Variants in SEC62 observed in about 807,000 individuals in gnomAD.
SEC62 encodes translocation protein SEC62.
A neutral mutation model predicts 47.5 loss-of-function variants in SEC62; 10 were observed. That is an observed-to-expected ratio of 0.21 (90% confidence interval 0.13 to 0.36). SEC62 has a LOEUF of 0.36. Among genes scored for constraint, SEC62 ranks in the 10% least tolerant of loss-of-function variants. The probability of loss-of-function intolerance (pLI) is 1.00; values close to 1 mark genes in which losing one functional copy is unlikely to be tolerated. For synonymous variants in SEC62, 136 were observed against 150.5 expected (o/e 0.90, Z 0.71); for missense variants, 327 against 464.1 (o/e 0.70, Z 2.71).
chr3:169,988,019 A>G (rs1008226825), intron 6 of SEC62, among the ~76,000 whole-genome samples: 4 of 152,172 alleles, frequency 2.6e-5, no homozygotes, highest in Non-Finnish European at 5.9e-5. Context: ...ATTATATGTA[A>G]TTTACACTAA....
chr3:169,977,844 A>AG lies in SEC62; in HGVS notation c.251+793_251+794insG, dbSNP rs202181031. On this transcript the variant is annotated intron_variant, in intron 3 of 7. Coordinates refer to ENST00000337002, the MANE Select transcript of SEC62 (RefSeq NM_003262.4). The stretch of plus-strand genomic sequence containing the variant: ...ACTAATATTTTATTTAATGGCACCT[A>AG]AAGTATCAGCCACATAAGAACCCTC... 5.2e-3 allele frequency among the ~76,000 whole-genome samples: 796 copies of AG among 152,330 alleles called. 4 individuals are homozygous for AG. Among genetic ancestry groups the AG allele is most frequent in the Non-Finnish European group, 8.5e-3 (576 of 68,034 alleles).
Position 169,994,580 on chromosome 3 carries a change from T to C in SEC62, c.*1517T>C, listed in dbSNP as rs1425302839. On this transcript the variant is annotated 3_prime_UTR_variant, in exon 8 of 8. Transcript: ENST00000337002. ...TAATGCAACTATGTCAAGGCTGCAA[T>C]CACTTTAATAGTTTCTTTTTAGCAA... 6.6e-6 allele frequency: 1 copy of C among 152,360 alleles called. No homozygotes were observed. The highest frequency in any genetic ancestry group is 1.5e-5 in the Non-Finnish European group (1 of 68,010). The allele number at this position is 152,360 out of a possible 1,614,324, so 9.4% of individuals were successfully genotyped here. A position where few individuals can be genotyped will look rare whatever the true frequency, so the allele number is the denominator to read the frequency against.
rs1407658275 is a variant in SEC62 at position 169,993,578 on chromosome 3, A to G, written c.*515A>G. 1 of 152,802 alleles carries G rather than the reference A, an allele frequency of 6.5e-6. No individual in the cohort carries two copies. The highest frequency in any genetic ancestry group is 1.5e-5 in the Non-Finnish European group (1 of 68,194). 9.5% of individuals were successfully genotyped at this position (152,802 alleles called of 1,614,324 possible). A position where few individuals can be genotyped will look rare whatever the true frequency, so the allele number is the denominator to read the frequency against. On this transcript the variant is annotated 3_prime_UTR_variant, in exon 8 of 8. Coordinates refer to ENST00000337002, the MANE Select transcript of SEC62 (RefSeq NM_003262.4). ...AGATTCTGAGTTAGCAGAGTTCAAA[A>G]CTATTTTGTGGAAACAAGCCAACTA... is the stretch of plus-strand genomic sequence containing the variant.
intron 7 of SEC62, among the ~76,000 whole-genome samples, chr3:169,991,597 G>A (rs1715250049): frequency 6.6e-6 from 1 of 152,094 alleles, no homozygotes; most frequent in South Asian, 2.1e-4. Flanking sequence ...CCTGCTACTT[G>A]GAGGCTGAGG....
At position 169,975,701 on chromosome 3, in the gene SEC62, G is replaced by T; in HGVS notation, c.130G>T (p.Val44Phe). ...TKSTNMMGHR[V>F]DYFIASKAVD... ...GTCCACCAATATGATGGGTCACCGG[G>T]TTGATTATTTTATTGGTAGGATTAT... The change falls in exon 2 of 8, where the codon GTT (valine) becomes TTT (phenylalanine). Residue 44 changes from valine (V) to phenylalanine (F), a missense_variant. Val to Phe is a conservative substitution (Grantham distance 50, BLOSUM62 -1). Transcript: ENST00000337002. 2 of 1,608,210 alleles carry T rather than the reference G, an allele frequency of 1.2e-6. No homozygotes were observed. The highest frequency in any genetic ancestry group is 1.7e-6 in the Non-Finnish European group (2 of 1,174,756).
rs565327001 is a variant in SEC62, at chr3:169,995,116, T to A, written c.*2053T>A. 7 of 152,312 alleles carry A rather than the reference T, an allele frequency of 4.6e-5. No individual in the cohort carries two copies. Among genetic ancestry groups the A allele is most frequent in the African/African-American group, 1.7e-4 (7 of 41,588 alleles). 9.4% of individuals were successfully genotyped at this position (152,312 alleles called of 1,614,324 possible). ...TACAATCCTCAGTGGAATAGATGGCTATCTTTCTTGGCTAACATTAAATAT... is the reference window on the plus strand; with the variant it reads ...TACAATCCTCAGTGGAATAGATGGCAATCTTTCTTGGCTAACATTAAATAT... On this transcript the variant is annotated 3_prime_UTR_variant, in exon 8 of 8. Coordinates refer to ENST00000337002, the MANE Select transcript of SEC62 (RefSeq NM_003262.4).
chr3:169,982,017 T>G (rs1714985820), intron 3 of SEC62, among the ~76,000 whole-genome samples: 1 of 152,104 alleles, frequency 6.6e-6, no homozygotes, highest in Non-Finnish European at 1.5e-5. Flanking sequence ...GGTGAGAATA[T>G]AAAATATAGT....
At chr3:169,976,120 G>T (rs1457154462) in intron 2 of SEC62, among the ~76,000 whole-genome samples, 1 of 152,112 alleles carries the variant, frequency 6.6e-6, no homozygotes, top group Non-Finnish European at 1.5e-5. Context: ...ATTGCAGCTG[G>T]GTGTCGTGGC....
rs1016593933 is a variant in SEC62 at position 169,997,789 on chromosome 3, G to A, written c.*4726G>A. On this transcript the variant is annotated 3_prime_UTR_variant, in exon 8 of 8. Coordinates refer to ENST00000337002, the MANE Select transcript of SEC62 (RefSeq NM_003262.4). The stretch of plus-strand genomic sequence containing the variant: ...GGCCAGAATAATGTTTTTAAATGCA[G>A]AAAAGGAAATGCATGGGGTTACAAG... 6.6e-6 allele frequency: 1 copy of A among 152,186 alleles called. No individual in the cohort carries two copies. Among genetic ancestry groups the A allele is most frequent in the African/African-American group, 2.4e-5 (1 of 41,446 alleles). 9.4% of individuals were successfully genotyped at this position (152,186 alleles called of 1,614,324 possible).
chr3:169,972,580 C>CAT (rs1714723492), intron 1 of SEC62, among the ~76,000 whole-genome samples: 1 of 114,934 alleles, frequency 8.7e-6, no homozygotes, highest in Non-Finnish European at 1.7e-5. Flanking sequence ...CTTTTTCTAT[C>CAT]TTTTTTTTTT....
At chr3:169,990,312 C>T (rs941949746) in intron 7 of SEC62, among the ~76,000 whole-genome samples, 2 of 151,320 alleles carry the variant, frequency 1.3e-5, no homozygotes, top group Non-Finnish European at 2.9e-5. Flanking sequence ...ATGTATTGGT[C>T]ACAATTATAT....
intron 5 of SEC62, chr3:169,983,628 T>C (rs1715031220): frequency 6.4e-6 from 1 of 156,228 alleles, no homozygotes. Context: ...ACTGCCAATC[T>C]TATATCTGCA....
At chr3:169,977,158 A>G (rs906512618) in intron 3 of SEC62, 107 bp downstream of exon 3, 1 of 633,208 alleles carries the variant, frequency 1.6e-6, no homozygotes, top group African/African-American at 1.8e-5. Flanking sequence ...CATAACTCAA[A>G]TACTGTTTTC....
At position 169,982,841 on chromosome 3, in the gene SEC62, A is replaced by T. The variant is rs1189336104; in HGVS notation, c.386A>T (p.Asn129Ile). ...KEEDKKSKKENIKDEKTKKEK... is the reference protein window; with the variant it reads ...KEEDKKSKKEIIKDEKTKKEK... ...GAAGATAAAAAGAGCAAGAAAGAAA[A>T]TATAAAGGATGAGAAGACAAAAAAA... The change falls in exon 4 of 8, where the codon AAT (asparagine) becomes ATT (isoleucine). Residue 129 changes from asparagine to isoleucine, a missense_variant. Physicochemically the swap from Asn to Ile is moderately radical, Grantham distance 149. This residue lies in a region of SEC62 where 126 missense variants were observed against 161.2 expected (regional missense o/e 0.78). Coordinates refer to ENST00000337002, the MANE Select transcript of SEC62 (RefSeq NM_003262.4). The T allele has an allele frequency of 1.9e-6, 3 of 1,586,540 alleles. No individual in the cohort carries two copies. In the South Asian group the frequency reaches 3.5e-5, roughly 19 times the overall value.
intron 6 of SEC62, among the ~76,000 whole-genome samples, chr3:169,986,576 A>G (rs948588419): frequency 6.6e-6 from 1 of 152,224 alleles, no homozygotes; most frequent in African/African-American, 2.4e-5. Context: ...ACGAGTAAGA[A>G]TAGTATAAGC....
intron 7 of SEC62, among the ~76,000 whole-genome samples, chr3:169,991,757 G>A (rs547109261): frequency 6.6e-6 from 1 of 152,094 alleles, no homozygotes; most frequent in Non-Finnish European, 1.5e-5. Flanking sequence ...TAATACTGGG[G>A]TTCCTTATCC....
chr3:169,995,033 T>C lies in SEC62; in HGVS notation c.*1970T>C, dbSNP rs759007054. The C allele has an allele frequency of 2.0e-5, 3 of 152,190 alleles. No individual in the cohort carries two copies. The highest frequency in any genetic ancestry group is 2.9e-5 in the Non-Finnish European group (2 of 68,014). The allele number at this position is 152,190 out of a possible 1,614,324, so 9.4% of individuals were successfully genotyped here. A position where few individuals can be genotyped will look rare whatever the true frequency, so the allele number is the denominator to read the frequency against. ...ATTAGAAATTTCAGCTCAGTTTCTATTTTACTATTCAAGTTGTGTACTTTA... is the reference window on the plus strand; with the variant it reads ...ATTAGAAATTTCAGCTCAGTTTCTACTTTACTATTCAAGTTGTGTACTTTA... On this transcript the variant is annotated 3_prime_UTR_variant, in exon 8 of 8. Coordinates refer to ENST00000337002, the MANE Select transcript of SEC62 (RefSeq NM_003262.4).
intron 6 of SEC62, among the ~76,000 whole-genome samples, chr3:169,987,412 CTG>C (rs1715134631): frequency 6.6e-6 from 1 of 152,166 alleles, no homozygotes; most frequent in Admixed American, 6.6e-5. Flanking sequence ...GAGTAAGACT[CTG>C]TTTCAGAAAA....
rs1715332454 is a variant in SEC62 at position 169,994,654 on chromosome 3, A to C, written c.*1591A>C. Reference sequence around the variant, plus strand: ...CTGGGTATTTTCCCGTCCCATTTGCAGAGCTCTACTACTTCATTTCCACAG... The same window carrying C: ...CTGGGTATTTTCCCGTCCCATTTGCCGAGCTCTACTACTTCATTTCCACAG... On this transcript the variant is annotated 3_prime_UTR_variant, in exon 8 of 8. Transcript: ENST00000337002. 6.6e-6 allele frequency: 1 copy of C among 152,168 alleles called. No homozygotes were observed. The highest frequency in any genetic ancestry group is 2.1e-4 in the South Asian group (1 of 4,834). 9.4% of individuals were successfully genotyped at this position (152,168 alleles called of 1,614,324 possible).
Sources: allele counts gnomAD v4.1 joint callset (sites outside exome capture counted in the v4.1 genomes callset), GRCh38; gene constraint gnomAD v4.1.1; regional missense constraint gnomAD v4.1.1; transcripts MANE v1.5; gene names NCBI Gene and HGNC (gene_info 2026-07-23, HGNC 2026-07-21).